Variants in TLR8 observed in about 807,000 individuals in gnomAD.
TLR8 encodes toll like receptor 8.
TLR8 carries 5 observed loss-of-function variants against 18.5 expected under a neutral mutation model. The observed-to-expected ratio is 0.27, with a 90% confidence interval of 0.14 to 0.57. The LOEUF (loss-of-function observed/expected upper bound fraction) is 0.57, where lower values mean the gene tolerates loss of function less well. Among genes scored for constraint, TLR8 ranks in the 20% least tolerant of loss-of-function variants. TLR8 has a pLI of 0.92. For missense variants in TLR8, 543 were observed against 769.8 expected (o/e 0.71, Z 3.49); for synonymous variants, 299 against 300.1 (o/e 1.00, Z 0.04).
At chrX:12,914,950 T>C (rs1320701064) in intron 1 of TLR8, among the ~76,000 whole-genome samples, 1 of 111,752 alleles carries the variant, frequency 8.9e-6, no homozygotes, top group Non-Finnish European at 1.9e-5. Flanking sequence ...TGACTATAGT[T>C]AATAACAACA....
Position 12,911,771 on chromosome X carries a change from G to A in TLR8, c.3+5062G>A, listed in dbSNP as rs756008342. Among the ~76,000 whole-genome samples, 4 of 112,592 alleles carry A rather than the reference G, an allele frequency of 3.6e-5. No homozygotes were observed. In the South Asian group the frequency reaches 1.5e-3, roughly 41 times the overall value. ...CTCTTCCTTATCTTAACTGGTCCCTGGGGCCTGGCCCGAGCCCCATTATAC... is the reference window on the plus strand; with the variant it reads ...CTCTTCCTTATCTTAACTGGTCCCTAGGGCCTGGCCCGAGCCCCATTATAC... On this transcript the variant is annotated intron_variant, in intron 1 of 1. Coordinates refer to ENST00000218032, the MANE Select transcript of TLR8 (RefSeq NM_138636.5).
rs1202917978 is a variant in TLR8, at chrX:12,922,433, C to A, written c.*267C>A. Reference sequence around the variant, plus strand: ...CACTCATGTGGTTGTTTTCTGGATTCAATTCCTCCTGGGCTATTGGCCAAA... The same window carrying A: ...CACTCATGTGGTTGTTTTCTGGATTAAATTCCTCCTGGGCTATTGGCCAAA... On this transcript the variant is annotated 3_prime_UTR_variant, in exon 2 of 2. Coordinates refer to ENST00000218032, the MANE Select transcript of TLR8 (RefSeq NM_138636.5). The A allele has an allele frequency of 6.0e-6, 2 of 331,643 alleles. No homozygotes were observed. The highest frequency in any genetic ancestry group is 1.0e-5 in the Non-Finnish European group (2 of 191,483). The allele number at this position is 331,643 out of a possible 1,213,427, so 27.3% of individuals were successfully genotyped here.
At chrX:12,914,322 G>A (rs1013150) in intron 1 of TLR8, among the ~76,000 whole-genome samples, 32,564 of 110,589 alleles carry the variant, frequency 0.29, 4,242 homozygotes, top group African/African-American at 0.5. Flanking sequence ...AAGTGTGGAA[G>A]ATCCTTTATG....
chrX:12,922,390 T>C lies in TLR8; in HGVS notation c.*224T>C, dbSNP rs2043102332. On this transcript the variant is annotated 3_prime_UTR_variant, in exon 2 of 2. Coordinates refer to ENST00000218032, the MANE Select transcript of TLR8 (RefSeq NM_138636.5). The stretch of plus-strand genomic sequence containing the variant: ...GCAATGTAGGTGTTCACCAGAGACA[T>C]AGGCATCACTGGGGTCACACTCATG... 5.0e-6 allele frequency: 2 copies of C among 396,080 alleles called. No individual in the cohort carries two copies. The highest frequency in any genetic ancestry group is 4.8e-5 in the Admixed American group (1 of 20,999). 32.6% of individuals were successfully genotyped at this position (396,080 alleles called of 1,213,427 possible).
rs146105516 is a variant in TLR8 at position 12,908,705 on chromosome X, G to A, written c.3+1996G>A. Among the ~76,000 whole-genome samples the A allele has an allele frequency of 4.1e-3, 466 of 112,527 alleles. 1 individual carries two copies. The highest frequency in any genetic ancestry group is 0.014 in the African/African-American group (438 of 30,955). On this transcript the variant is annotated intron_variant, in intron 1 of 1. Transcript: ENST00000218032. ...GTCCTTTTGTTAAAAAGCACAGTCC[G>A]TTTTTTTAGGTGGCTAGAAATGCTC...
intron 1 of TLR8, chrX:12,908,130 C>T (rs1171876245): frequency 9.0e-6 from 1 of 110,840 alleles, no homozygotes; most frequent in Non-Finnish European, 1.9e-5. Context: ...CACTTGAGGT[C>T]AGTAGGTAGA....
In TLR8 at chrX:12,921,868, T is replaced by C. The variant is rs1221772092; in HGVS notation, c.2828T>C (p.Val943Ala). ...AGCATCAACCAAAGCAAGAAAACAG[T>C]ATTTGTTTTAACCAAAAAATATGCA... Reference protein sequence around the residue: ...MQSINQSKKTVFVLTKKYAKS... With the variant: ...MQSINQSKKTAFVLTKKYAKS... The change falls in exon 2 of 2, where the codon GTA becomes GCA. Residue 943 changes from valine to alanine, a missense_variant. Physicochemically the swap from Val to Ala is moderately conservative, Grantham distance 64. Transcript: ENST00000218032. 1 of 1,211,565 alleles carries C rather than the reference T, an allele frequency of 8.3e-7. No homozygotes were observed. Among genetic ancestry groups the C allele is most frequent in the Admixed American group, 2.2e-5 (1 of 45,969 alleles).
intron 1 of TLR8, among the ~76,000 whole-genome samples, chrX:12,915,480 C>T (rs995504689): frequency 1.9e-4 from 21 of 112,760 alleles, no homozygotes; most frequent in Non-Finnish European, 3.8e-4. Context: ...CTGGTCTTTA[C>T]TCAAGTCCCT....
At chrX:12,908,678 T>C (rs2071278824) in intron 1 of TLR8, among the ~76,000 whole-genome samples, 1 of 112,922 alleles carries the variant, frequency 8.9e-6, no homozygotes, top group African/African-American at 3.2e-5. Flanking sequence ...AACAGTTTTT[T>C]GGTCCTTTTG....
chrX:12,920,757 G>A lies in TLR8; in HGVS notation c.1717G>A (p.Val573Ile), dbSNP rs752721263. 5.0e-6 allele frequency: 6 copies of A among 1,208,296 alleles called. No individual in the cohort carries two copies. Among genetic ancestry groups the A allele is most frequent in the East Asian group, 3.0e-5 (1 of 33,802 alleles). ...TTCACACTATTTCAGAATAGCAGGC[G>A]TAACACATCATCTAGAATTTATTCA... ...YNSHYFRIAG[V>I]THHLEFIQNF... The change falls in exon 2 of 2, where the codon GTA (valine) becomes ATA (isoleucine). Residue 573 changes from valine to isoleucine, a missense_variant. By Grantham distance (29) the Val-to-Ile change is conservative (BLOSUM62 3). Around this residue, in one of 4 missense-constraint regions of TLR8, gnomAD observed 14 missense variants for 47.0 expected, o/e 0.30. Coordinates refer to ENST00000218032, the MANE Select transcript of TLR8 (RefSeq NM_138636.5).
intron 1 of TLR8, among the ~76,000 whole-genome samples, chrX:12,918,335 G>A (rs1000037346): frequency 1.8e-5 from 2 of 111,352 alleles, no homozygotes; most frequent in Non-Finnish European, 3.8e-5. Flanking sequence ...TTGGGGACTG[G>A]CCAAAGTTTC....
In TLR8 at chrX:12,922,131, A is replaced by G; in HGVS notation, c.3091A>G (p.Asn1031Asp). The G allele has an allele frequency of 8.3e-7, 1 of 1,206,015 alleles. No individual in the cohort carries two copies. Among genetic ancestry groups the G allele is most frequent in the Non-Finnish European group, 1.1e-6 (1 of 892,236 alleles). The change falls in exon 2 of 2, where the codon AAC becomes GAC. Residue 1031 changes from asparagine (N) to aspartate (D), a missense_variant. Asn to Asp is a conservative substitution (Grantham distance 23, BLOSUM62 1). Around this residue, in one of 4 missense-constraint regions of TLR8, gnomAD observed 227 missense variants for 312.9 expected, o/e 0.73. Transcript: ENST00000218032. ...VVLTENDSRYNNMYVDSIKQY is the reference protein window; with the variant it reads ...VVLTENDSRYDNMYVDSIKQY ...CTTGACTGAAAATGATTCACGGTAT[A>G]ACAATATGTATGTCGATTCCATTAA... is the stretch of plus-strand genomic sequence containing the variant.
At chrX:12,915,700 A>G (rs5744062) in intron 1 of TLR8, among the ~76,000 whole-genome samples, 1,490 of 112,005 alleles carry the variant, frequency 0.013, 19 homozygotes, top group African/African-American at 0.046. Context: ...TTAGACCCAC[A>G]CCATATCTCT....
At position 12,921,815 on chromosome X, in the gene TLR8, A is replaced by G; in HGVS notation, c.2775A>G (p.Gly925=). The part of the protein sequence containing the change: ...LCLEERDWDP[G]LAIIDNLMQS... ...TAGAGGAGAGGGATTGGGACCCGGG[A>G]TTGGCCATCATCGACAACCTCATGC... Residue 925 remains glycine, a synonymous_variant, in exon 2 of 2, where the codon GGA becomes GGG. Transcript: ENST00000218032. The G allele has an allele frequency of 8.3e-7, 1 of 1,211,856 alleles. No individual in the cohort carries two copies.
In TLR8 at chrX:12,910,327, T is replaced by C. The variant is rs142015690; in HGVS notation, c.3+3618T>C. 1.4e-3 allele frequency: 1,620 copies of C among 1,160,994 alleles called. 17 individuals carry two copies. The African/African-American group carries it at 0.025, about 18-fold the overall frequency. On this transcript the variant is annotated intron_variant, in intron 1 of 1. Coordinates refer to ENST00000218032, the MANE Select transcript of TLR8 (RefSeq NM_138636.5). ...ATAGGTTCTCTTGACACTTCAGTGT[T>C]AGGGAACATCAGCAAGACCCATCCC...
rs146163865 is a variant in TLR8 at position 12,919,751 on chromosome X, T to C, written c.711T>C (p.Ile237=). 4.7e-5 allele frequency: 57 copies of C among 1,209,675 alleles called. No individual in the cohort carries two copies. In the African/African-American group the frequency reaches 8.2e-4, roughly 17 times the overall value. The change falls in exon 2 of 2, where the codon ATT becomes ATC. Residue 237 remains isoleucine, a synonymous_variant. Coordinates refer to ENST00000218032, the MANE Select transcript of TLR8 (RefSeq NM_138636.5). The part of the protein sequence containing the change: ...LFLSNTQIKY[I]SEEDFKGLIN... ...TGAGCAACACCCAGATCAAATACAT[T>C]AGTGAAGAAGATTTCAAGGGATTGA...
In TLR8 at chrX:12,921,192, C is replaced by T; in HGVS notation, c.2152C>T (p.Leu718=). The change falls in exon 2 of 2, where the codon CTG becomes TTG. Residue 718 remains leucine (L), a synonymous_variant. Coordinates refer to ENST00000218032, the MANE Select transcript of TLR8 (RefSeq NM_138636.5). The part of the protein sequence containing the change: ...SDFTSSLRTL[L]LSHNRISHLP... ...CTTTACATCTTCCCTTCGGACACTG[C>T]TGCTGAGTCATAACAGGATTTCCCA... is the stretch of plus-strand genomic sequence containing the variant. 8.3e-7 allele frequency: 1 copy of T among 1,211,952 alleles called. No homozygotes were observed. The highest frequency in any genetic ancestry group is 3.0e-5 in the East Asian group (1 of 33,877).
intron 1 of TLR8, 135 bp from the exon 2 acceptor site, chrX:12,918,909 C>A: frequency 1.4e-6 from 1 of 691,282 alleles, no homozygotes; most frequent in East Asian, 3.3e-5. Flanking sequence ...TAATCTGATG[C>A]AATTTATTTA....
rs143150953 is a variant in TLR8, at chrX:12,921,296, C to T, written c.2256C>T (p.Asn752=). 3.6e-4 allele frequency: 433 copies of T among 1,209,838 alleles called. No individual in the cohort carries two copies. Among genetic ancestry groups the T allele is most frequent in the Non-Finnish European group, 4.7e-4 (419 of 895,197 alleles). ...GTTCCAATCTGCTAAAAACAATCAA[C>T]AAATCCGCACTTGAAACTAAGACCA... is the stretch of plus-strand genomic sequence containing the variant. ...DLSSNLLKTI[N]KSALETKTTT... Residue 752 remains asparagine (N), a synonymous_variant, in exon 2 of 2, where the codon AAC becomes AAT. Coordinates refer to ENST00000218032, the MANE Select transcript of TLR8 (RefSeq NM_138636.5).
Sources: gnomAD v4.1 joint callset for allele counts (sites outside exome capture counted in the v4.1 genomes callset) on GRCh38, gnomAD v4.1.1 for gene constraint, gnomAD v4.1.1 regional missense constraint, MANE v1.5 for transcripts, NCBI Gene and HGNC (gene_info 2026-07-23, HGNC 2026-07-21) for gene names.